The following SOX5 variants were observed in gnomAD, a reference collection of about 807,000 sequenced individuals.
SOX5 encodes the protein transcription factor SOX-5.
SOX5 carries 9 observed loss-of-function variants against 92.0 expected under a neutral mutation model. The ratio of observed to expected loss-of-function variants is 0.10; its 90% CI spans 0.06 to 0.17. The LOEUF (loss-of-function observed/expected upper bound fraction) is 0.17, where lower values mean the gene tolerates loss of function less well. SOX5 is among the 10% of genes least tolerant of loss of function. The pLI is 1.00. For missense variants in SOX5, 642 were observed against 944.5 expected (o/e 0.68, Z 4.20); for synonymous variants, 344 against 336.3 (o/e 1.02, Z -0.25).
At chr12:23,629,859 A>G (rs891662367) in intron 8 of SOX5, among the ~76,000 whole-genome samples, 1 of 151,960 alleles carries the variant, frequency 6.6e-6, no homozygotes, top group Non-Finnish European at 1.5e-5. Context: ...AAGAATAAAT[A>G]TTTGCTGAAT....
intron 1 of SOX5, among the ~76,000 whole-genome samples, chr12:24,464,969 G>A (rs1360296907): frequency 1.3e-5 from 2 of 152,206 alleles, no homozygotes; most frequent in African/African-American, 4.8e-5. Flanking sequence ...AGCTGCAGAA[G>A]CAGCAGTAAT....
intron 3 of SOX5, among the ~76,000 whole-genome samples, chr12:24,222,287 A>G (rs1167411856): frequency 6.6e-6 from 1 of 152,168 alleles, no homozygotes; most frequent in Non-Finnish European, 1.5e-5. Context: ...TATGTTAAGA[A>G]TAAGCTTAAA....
chr12:23,736,583 G>A (rs12301110), intron 5 of SOX5, among the ~76,000 whole-genome samples: 25,170 of 151,514 alleles, frequency 0.17, 3,964 homozygotes, highest in African/African-American at 0.42. Flanking sequence ...ACCTGGCTGC[G>A]CAAAAAAATT....
chr12:24,403,658 C>T (rs1462337323), intron 1 of SOX5, among the ~76,000 whole-genome samples: 1 of 152,180 alleles, frequency 6.6e-6, no homozygotes, highest in Non-Finnish European at 1.5e-5. Context: ...CACACCTGTG[C>T]CAAGCTTATT....
At chr12:23,700,543 A>G (rs953819067) in intron 6 of SOX5, among the ~76,000 whole-genome samples, 2 of 152,012 alleles carry the variant, frequency 1.3e-5, no homozygotes, top group African/African-American at 4.8e-5. Context: ...AGGCCTCACA[A>G]TTTGGGGTAT....
intron 4 of SOX5, among the ~76,000 whole-genome samples, chr12:24,106,790 CAAATAATAA>C (rs996670450): frequency 7.4e-5 from 7 of 94,140 alleles, no homozygotes; most frequent in African/African-American, 2.7e-4. Flanking sequence ...AGACTCGTCT[CAAATAATAA>C]TAATAATAAT....
Position 23,608,967 on chromosome 12 carries a change from A to G in SOX5, c.1018-4434T>C, listed in dbSNP as rs555042733. On this transcript the variant is annotated intron_variant, in intron 8 of 14. Transcript: ENST00000451604. ...CTGATAAACAGAAAACAATGAGACT[A>G]TAAGTATACTGTAACTGTATGTCAC... Among the ~76,000 whole-genome samples, 6 of 152,328 alleles carry G rather than the reference A, an allele frequency of 3.9e-5. No homozygotes were observed. In the East Asian group the frequency reaches 1.2e-3, roughly 29 times the overall value.
At chr12:23,847,914 T>C (rs1432348359) in intron 2 of SOX5, among the ~76,000 whole-genome samples, 1 of 151,846 alleles carries the variant, frequency 6.6e-6, no homozygotes, top group African/African-American at 2.4e-5. Flanking sequence ...CCTACATAAA[T>C]ATACAAACAC....
intron 8 of SOX5, among the ~76,000 whole-genome samples, chr12:23,628,001 C>G (rs368474726): frequency 1.4e-4 from 21 of 152,076 alleles, no homozygotes; most frequent in African/African-American, 4.6e-4. Context: ...TTAGGTCACA[C>G]AAAAACATCA....
At chr12:23,913,689 T>C (rs1307660659) in intron 1 of SOX5, among the ~76,000 whole-genome samples, 1 of 150,448 alleles carries the variant, frequency 6.6e-6, no homozygotes, top group Non-Finnish European at 1.5e-5. Flanking sequence ...TGAGCCGAGA[T>C]TGCACCACTG....
intron 2 of SOX5, among the ~76,000 whole-genome samples, chr12:24,342,160 A>G (rs1438687154): frequency 1.3e-5 from 2 of 152,124 alleles, no homozygotes; most frequent in Non-Finnish European, 2.9e-5. Context: ...AACAACATCA[A>G]CATTATGGTT....
rs1251628401 is a variant in SOX5, at chr12:24,443,557, ATTG to A, written c.-250-74921_-250-74919del. ...CTACAAAGAAAAAAAAGGGGCATGC[ATTG>A]TTGACACAGTCAAGTGTCTATTTGT... is the stretch of plus-strand genomic sequence containing the variant. On this transcript the variant is annotated intron_variant, in intron 1 of 4. Transcript: ENST00000446891. Among the ~76,000 whole-genome samples the A allele has an allele frequency of 2.6e-5, 4 of 152,224 alleles. No homozygotes were observed. The South Asian group carries it at 6.2e-4, about 24-fold the overall frequency.
At chr12:23,643,168 G>A (rs1392617531) in intron 7 of SOX5, among the ~76,000 whole-genome samples, 1 of 151,454 alleles carries the variant, frequency 6.6e-6, no homozygotes, top group Non-Finnish European at 1.5e-5. Flanking sequence ...AGGGACTCCA[G>A]AGATATTTAA....
At chr12:24,469,343 C>T (rs892814567) in intron 1 of SOX5, among the ~76,000 whole-genome samples, 3 of 152,162 alleles carry the variant, frequency 2.0e-5, no homozygotes, top group Non-Finnish European at 4.4e-5. Context: ...TAACAGACCA[C>T]GGACCAGTAC....
intron 3 of SOX5, among the ~76,000 whole-genome samples, chr12:23,827,178 C>T (rs1419482144): frequency 6.6e-6 from 1 of 152,134 alleles, no homozygotes; most frequent in Non-Finnish European, 1.5e-5. Context: ...AAAGACATCT[C>T]GTTATCTGCT....
At chr12:23,650,657 A>T (rs917284435) in intron 7 of SOX5, among the ~76,000 whole-genome samples, 1 of 152,100 alleles carries the variant, frequency 6.6e-6, no homozygotes, top group Non-Finnish European at 1.5e-5. Context: ...TAATAAGAAC[A>T]ACTATATTTA....
intron 3 of SOX5, among the ~76,000 whole-genome samples, chr12:24,257,250 T>C (rs1300435672): frequency 3.3e-5 from 5 of 152,212 alleles, no homozygotes; most frequent in African/African-American, 7.2e-5. Context: ...TTTTAATGAT[T>C]TTCTCATTTG....
chr12:23,911,936 C>T (rs558615043), intron 1 of SOX5, among the ~76,000 whole-genome samples: 1 of 152,148 alleles, frequency 6.6e-6, no homozygotes, highest in East Asian at 1.9e-4. Flanking sequence ...GACAAAAGAA[C>T]AAAACAGATA....
chr12:24,547,836 C>G (rs763769255), intron 1 of SOX5, among the ~76,000 whole-genome samples: 10 of 152,186 alleles, frequency 6.6e-5, no homozygotes, highest in African/African-American at 2.4e-4. Flanking sequence ...GAAGTTCTCA[C>G]AGACAAGTAT....
Sources: gnomAD v4.1 joint callset for allele counts (sites outside exome capture counted in the v4.1 genomes callset) on GRCh38, gnomAD v4.1.1 for gene constraint, MANE v1.5 for transcripts, NCBI Gene and HGNC (gene_info 2026-07-23, HGNC 2026-07-21) for gene names.